The following BPIFA1 variants were observed in gnomAD, a reference collection of about 807,000 sequenced individuals.
BPIFA1 encodes BPI fold-containing family A member 1.
Under a neutral mutation model 25.1 loss-of-function variants are expected in BPIFA1, and 24 were observed. The ratio of observed to expected loss-of-function variants is 0.96; its 90% CI spans 0.69 to 1.35. The LOEUF is 1.35. BPIFA1 is among the 40% of genes most tolerant of loss of function. The pLI, the probability that BPIFA1 is intolerant of heterozygous loss-of-function variation, is 0.00. For missense variants in BPIFA1, 344 were observed against 303.7 expected (o/e 1.13, Z -0.99); for synonymous variants, 139 against 131.8 (o/e 1.05, Z -0.37).
chr20:33,241,336 T>C, intron 5 of BPIFA1, 49 bp from the exon 6 acceptor site: 1 of 1,539,006 alleles, frequency 6.5e-7, no homozygotes, highest in Non-Finnish European at 9.0e-7. Context: ...TGGAGACTTC[T>C]CCACACCATC....
At chr20:33,239,585 CCT>C (rs1229514315) in intron 3 of BPIFA1, among the ~76,000 whole-genome samples, 9 of 152,080 alleles carry the variant, frequency 5.9e-5, no homozygotes, top group African/African-American at 1.7e-4. Context: ...AGGAAAGGGC[CCT>C]GTGTGTGTGT....
intron 1 of BPIFA1, among the ~76,000 whole-genome samples, chr20:33,236,704 T>A (rs552303553): frequency 0.011 from 1,695 of 152,262 alleles, 30 homozygotes; most frequent in African/African-American, 0.037. Flanking sequence ...CAGGGCAGCT[T>A]GAAGGAGAAG....
chr20:33,241,401 A>G lies in BPIFA1; in HGVS notation c.598A>G (p.Ile200Val), dbSNP rs1332492053. 2 of 1,613,822 alleles carry G rather than the reference A, an allele frequency of 1.2e-6. No homozygotes were observed. Among genetic ancestry groups the G allele is most frequent in the African/African-American group, 2.7e-5 (2 of 74,864 alleles). Residue 200 changes from isoleucine to valine, a missense_variant, in exon 6 of 9, where the codon ATT becomes GTT. Coordinates refer to ENST00000354297, the MANE Select transcript of BPIFA1 (RefSeq NM_130852.3). ...CTCTTTCAGACTTGGCCCCCTCCCC[A>G]TTCAAGGTCTTCTGGACAGCCTCAC... Reference protein sequence around the residue: ...SLLDGLGPLPIQGLLDSLTGI... With the variant: ...SLLDGLGPLPVQGLLDSLTGI...
In BPIFA1 at chr20:33,242,545, T is replaced by C; in HGVS notation, c.*18T>C. On this transcript the variant is annotated 3_prime_UTR_variant, in exon 8 of 9. Transcript: ENST00000354297. ...AGGTCTAAGCCTTCCAGGAAGGGGC[T>C]GGCCTCTGCTGAGCTGGTAAGTGCC... The C allele has an allele frequency of 6.2e-7, 1 of 1,613,474 alleles. No individual in the cohort carries two copies. Among genetic ancestry groups the C allele is most frequent in the East Asian group, 2.2e-5 (1 of 44,876 alleles).
At chr20:33,242,598 C>A (rs2146503629) in intron 8 of BPIFA1, 37 bp downstream of exon 8, 7 of 1,478,260 alleles carry the variant, frequency 4.7e-6, no homozygotes, top group Non-Finnish European at 6.6e-6. Context: ...GTTTTGGGGG[C>A]TGGCTGTTCT....
chr20:33,241,108 G>A (rs1386515350), intron 5 of BPIFA1, among the ~76,000 whole-genome samples: 1 of 152,176 alleles, frequency 6.6e-6, no homozygotes, highest in Non-Finnish European at 1.5e-5. Flanking sequence ...ATACTAAGTA[G>A]TATCCATTCA....
At chr20:33,242,377 G>A (rs996557001) in intron 7 of BPIFA1, 110 bp from the exon 8 acceptor site, 41 of 1,325,940 alleles carry the variant, frequency 3.1e-5, no homozygotes, top group African/African-American at 4.3e-5. Context: ...GAACACAGTC[G>A]GATCTCCAGA....
chr20:33,237,897 CATGTGTGTGTGTGTGTGTGTGT>C, intron 2 of BPIFA1, 26 bp downstream of exon 2: 1 of 1,268,330 alleles, frequency 7.9e-7, no homozygotes. Flanking sequence ...TGTATGTGTG[CATGTGTGTGTGTGTGTGTGTGT>C]GTGTGTGTGT....
chr20:33,239,961 T>C, intron 4 of BPIFA1, 51 bp downstream of exon 4: 2 of 1,533,810 alleles, frequency 1.3e-6, no homozygotes, highest in Non-Finnish European at 1.8e-6. Context: ...AGGGAGACCC[T>C]GGTGACCATG....
chr20:33,242,576 C>G lies in BPIFA1; in HGVS notation c.*34+15C>G. ...CTGCTGAGCTGGTAAGTGCCCTTCC[C>G]CACACCCCAGGGTTTTGGGGGCTGG... On this transcript the variant is annotated intron_variant, in intron 8 of 8. Coordinates refer to ENST00000354297, the MANE Select transcript of BPIFA1 (RefSeq NM_130852.3). 6.3e-7 allele frequency: 1 copy of G among 1,589,162 alleles called. No individual in the cohort carries two copies. The highest frequency in any genetic ancestry group is 8.6e-7 in the Non-Finnish European group (1 of 1,157,630).
intron 3 of BPIFA1, among the ~76,000 whole-genome samples, chr20:33,239,265 A>T (rs1330095124): frequency 1.3e-5 from 2 of 152,178 alleles, no homozygotes; most frequent in Admixed American, 1.3e-4. Flanking sequence ...AATTCCCATG[A>T]TAAACATTGG....
At position 33,237,864 on chromosome 20, in the gene BPIFA1, G is replaced by A. The variant is rs771170398; in HGVS notation, c.153G>A (p.Leu51=). The change falls in exon 2 of 9, where the codon TTG becomes TTA. Residue 51 remains leucine (L), a synonymous_variant. Coordinates refer to ENST00000354297, the MANE Select transcript of BPIFA1 (RefSeq NM_130852.3). ...PLSPTGLAGS[L]TNALSNGLLS... ...GTCCCACAGGTCTTGCAGGAAGCTT[G>A]ACAAATGGTGAGTTTTCAGGGGTGT... 4.5e-6 allele frequency: 7 copies of A among 1,572,668 alleles called. No individual in the cohort carries two copies. The African/African-American group carries it at 8.2e-5, about 18-fold the overall frequency.
chr20:33,242,689 G>A (rs1055222783), intron 8 of BPIFA1, 128 bp downstream of exon 8: 3 of 678,054 alleles, frequency 4.4e-6, no homozygotes, highest in African/African-American at 3.6e-5. Context: ...TACACACAGG[G>A]ATGCACAGAG....
intron 5 of BPIFA1, among the ~76,000 whole-genome samples, 192 bp downstream of exon 5, chr20:33,240,577 T>TGGATGGAC (rs1978916870): frequency 6.7e-6 from 1 of 149,942 alleles, no homozygotes; most frequent in South Asian, 2.1e-4. Context: ...GATGGATGGA[T>TGGATGGAC]GGACAGATGG....
chr20:33,242,361 C>T (rs1019281881), intron 7 of BPIFA1, 126 bp from the exon 8 acceptor site: 8 of 1,224,424 alleles, frequency 6.5e-6, no homozygotes, highest in Admixed American at 2.0e-5. Flanking sequence ...TTCCTCCAAG[C>T]ATGCTGAACA....
intron 5 of BPIFA1, among the ~76,000 whole-genome samples, chr20:33,241,148 C>A (rs1978960211): frequency 6.6e-6 from 1 of 152,180 alleles, no homozygotes. Context: ...CTTATTGGCA[C>A]CTGCTTTTTC....
intron 3 of BPIFA1, among the ~76,000 whole-genome samples, chr20:33,238,729 T>C (rs990177557): frequency 6.6e-6 from 1 of 152,208 alleles, no homozygotes; most frequent in Non-Finnish European, 1.5e-5. Context: ...AACAGTGTGA[T>C]GTCCATGGAA....
intron 3 of BPIFA1, among the ~76,000 whole-genome samples, chr20:33,238,669 T>C (rs1024145253): frequency 3.9e-5 from 6 of 152,230 alleles, no homozygotes; most frequent in Non-Finnish European, 8.8e-5. Flanking sequence ...CGGCCTTTGA[T>C]GTTAGCGAGA....
intron 7 of BPIFA1, 82 bp from the exon 8 acceptor site, chr20:33,242,405 C>T: frequency 6.5e-7 from 1 of 1,527,670 alleles, no homozygotes; most frequent in Non-Finnish European, 9.0e-7. Flanking sequence ...ATTCCCTGGC[C>T]CCCCACCTTG....
Sources: gnomAD v4.1 joint callset for allele counts (sites outside exome capture counted in the v4.1 genomes callset) on GRCh38, gnomAD v4.1.1 for gene constraint, MANE v1.5 for transcripts, NCBI Gene and HGNC (gene_info 2026-07-23, HGNC 2026-07-21) for gene names.